Variants in CNTN5 observed in about 807,000 individuals in gnomAD.
CNTN5 encodes the protein contactin 5.
Under a neutral mutation model 129.1 loss-of-function variants are expected in CNTN5, and 77 were observed. The observed-to-expected ratio is 0.60, with a 90% CI of 0.50 to 0.72. CNTN5 has a LOEUF of 0.72. Ranked by LOEUF, CNTN5 falls within the 30% of genes least tolerant of loss-of-function variation. The pLI, the probability that CNTN5 is intolerant of heterozygous loss-of-function variation, is 0.00. For synonymous variants in CNTN5, 509 were observed against 465.6 expected (o/e 1.09, Z -1.20); for missense variants, 1,478 against 1,328.8 (o/e 1.11, Z -1.75).
In CNTN5 at chr11:99,556,222, C is replaced by A; in HGVS notation, c.8C>A (p.Ser3Tyr). 6.6e-7 allele frequency: 1 copy of A among 1,513,328 alleles called. No individual in the cohort carries two copies. The highest frequency in any genetic ancestry group is 8.9e-7 in the Non-Finnish European group (1 of 1,122,250). 93.7% of individuals were successfully genotyped at this position (1,513,328 alleles called of 1,614,324 possible). A position where few individuals can be genotyped will look rare whatever the true frequency, so the allele number is the denominator to read the frequency against. The change falls in exon 3 of 25, where the codon TCC (serine) becomes TAC (tyrosine). Residue 3 changes from serine to tyrosine, a missense_variant. Transcript: ENST00000524871. The stretch of plus-strand genomic sequence containing the variant: ...AGATTCTAGTGACTGAGGATGGCTT[C>A]CTCTTGGAAACTAATGCTGTTTCTG... Reference protein sequence around the residue: MASSWKLMLFLSV... With the variant: MAYSWKLMLFLSV...
At chr11:99,603,016 C>T (rs1412328071) in intron 3 of CNTN5, among the ~76,000 whole-genome samples, 1 of 67,966 alleles carries the variant, frequency 1.5e-5, no homozygotes, top group Non-Finnish European at 2.9e-5. Context: ...AACAGAAAAA[C>T]TGGAAACTCT....
chr11:99,350,019 G>C (rs1235224715), intron 2 of CNTN5, among the ~76,000 whole-genome samples: 1 of 152,022 alleles, frequency 6.6e-6, no homozygotes, highest in Non-Finnish European at 1.5e-5. Flanking sequence ...AATAAATGTG[G>C]AAGAATATTT....
At chr11:100,308,783 G>C (rs189365281) in intron 21 of CNTN5, 1 of 1,001,698 alleles carries the variant, frequency 1.0e-6, no homozygotes, top group Non-Finnish European at 1.2e-6. Context: ...AAAAGTTTTT[G>C]TGTCTTCCTT....
intron 13 of CNTN5, among the ~76,000 whole-genome samples, chr11:100,147,837 G>A (rs958889531): frequency 3.3e-5 from 5 of 151,996 alleles, no homozygotes; most frequent in Non-Finnish European, 7.4e-5. Flanking sequence ...GCCTTGCCAG[G>A]ATTACAATCA....
At chr11:99,111,786 T>G (rs915310635) in intron 1 of CNTN5, among the ~76,000 whole-genome samples, 3 of 152,022 alleles carry the variant, frequency 2.0e-5, no homozygotes, top group African/African-American at 7.2e-5. Context: ...GCGAACCTAT[T>G]TAATACATCT....
At chr11:99,891,327 ATC>A (rs1339488440) in intron 6 of CNTN5, among the ~76,000 whole-genome samples, 1 of 150,372 alleles carries the variant, frequency 6.7e-6, no homozygotes, top group Non-Finnish European at 1.5e-5. Context: ...ATGTCCCAAT[ATC>A]TTTTTATTAT....
chr11:99,845,451 C>T (rs1268147388), intron 6 of CNTN5, among the ~76,000 whole-genome samples, 189 bp downstream of exon 6: 1 of 134,662 alleles, frequency 7.4e-6, no homozygotes, highest in Non-Finnish European at 1.5e-5. Flanking sequence ...CGGCTCACTG[C>T]AAGCTCCGCC....
At position 99,975,261 on chromosome 11, in the gene CNTN5, A is replaced by G. The variant is rs900666391; in HGVS notation, c.877+18252A>G. On this transcript the variant is annotated intron_variant, in intron 8 of 24. Transcript: ENST00000524871. ...CAGCAGCATGCTCTGGATGTGAGAC[A>G]TGGAGTCATTGGAGATTATTTTGGA... is the stretch of plus-strand genomic sequence containing the variant. Among the ~76,000 whole-genome samples the G allele has an allele frequency of 8.5e-5, 13 of 152,318 alleles. No homozygotes were observed. The East Asian group carries it at 2.3e-3, about 27-fold the overall frequency.
At chr11:100,141,985 A>G (rs1946709547) in intron 13 of CNTN5, among the ~76,000 whole-genome samples, 1 of 151,952 alleles carries the variant, frequency 6.6e-6, no homozygotes, top group African/African-American at 2.4e-5. Flanking sequence ...GGTCCTGGAT[A>G]GAACAAAAAA....
At chr11:99,976,133 C>G (rs1459098801) in intron 8 of CNTN5, among the ~76,000 whole-genome samples, 1 of 152,202 alleles carries the variant, frequency 6.6e-6, no homozygotes, top group African/African-American at 2.4e-5. Flanking sequence ...TCTTAAAGCT[C>G]CAAAATAATC....
chr11:99,890,114 C>G (rs1414228945), intron 6 of CNTN5, among the ~76,000 whole-genome samples: 3 of 151,928 alleles, frequency 2.0e-5, no homozygotes, highest in Non-Finnish European at 4.4e-5. Context: ...GGTTTCCCCT[C>G]AATGGGCAAT....
chr11:99,451,494 A>T (rs1483297857), intron 2 of CNTN5, among the ~76,000 whole-genome samples: 1 of 152,192 alleles, frequency 6.6e-6, no homozygotes, highest in African/African-American at 2.4e-5. Context: ...AGAAGTTTCA[A>T]ATAATGTTAT....
At chr11:99,114,989 C>T (rs1857975555) in intron 1 of CNTN5, among the ~76,000 whole-genome samples, 2 of 152,146 alleles carry the variant, frequency 1.3e-5, no homozygotes, top group South Asian at 2.1e-4. Context: ...ATAGAAGAGG[C>T]TCAAGAGAGC....
chr11:99,794,875 T>C (rs184149727), intron 3 of CNTN5, among the ~76,000 whole-genome samples: 68 of 152,312 alleles, frequency 4.5e-4, no homozygotes, highest in African/African-American at 1.6e-3. Flanking sequence ...CATTGAACTT[T>C]GGAGAATCTG....
At chr11:100,161,110 C>T (rs1304502774) in intron 13 of CNTN5, among the ~76,000 whole-genome samples, 2 of 151,888 alleles carry the variant, frequency 1.3e-5, no homozygotes, top group African/African-American at 4.8e-5. Context: ...TAAAAATTAT[C>T]ATTAGGTATC....
intron 13 of CNTN5, among the ~76,000 whole-genome samples, chr11:100,173,581 G>T (rs190365073): frequency 6.6e-6 from 1 of 152,218 alleles, no homozygotes; most frequent in East Asian, 1.9e-4. Context: ...TTTGGAGAAG[G>T]TAGGCCAGCA....
intron 1 of CNTN5, among the ~76,000 whole-genome samples, chr11:99,081,888 C>T (rs1386288167): frequency 6.6e-6 from 1 of 152,036 alleles, no homozygotes. Context: ...GTTTTAGAGC[C>T]ATTACACCCT....
At chr11:99,552,306 A>G (rs1344114873) in intron 2 of CNTN5, among the ~76,000 whole-genome samples, 1 of 151,776 alleles carries the variant, frequency 6.6e-6, no homozygotes, top group African/African-American at 2.4e-5. Flanking sequence ...TAATAATTGA[A>G]TACTTTCTAT....
intron 21 of CNTN5, chr11:100,337,416 T>A: frequency 1.3e-6 from 1 of 764,762 alleles, no homozygotes; most frequent in Non-Finnish European, 2.4e-6. Flanking sequence ...CAGGGAAGAG[T>A]GAAGCAGCCT....
Sources: gnomAD v4.1 joint callset for allele counts (sites outside exome capture counted in the v4.1 genomes callset) on GRCh38, gnomAD v4.1.1 for gene constraint, MANE v1.5 for transcripts, NCBI Gene and HGNC (gene_info 2026-07-23, HGNC 2026-07-21) for gene names.